Variants in SUV39H2 observed in about 807,000 individuals in gnomAD.
The protein encoded by SUV39H2 is SUV39H2 histone lysine methyltransferase, also known as histone-lysine N-methyltransferase SUV39H2.
Under a neutral mutation model 47.5 loss-of-function variants are expected in SUV39H2, and 10 were observed. That is an observed-to-expected ratio of 0.21 (90% CI 0.13 to 0.36). The LOEUF is 0.36. SUV39H2 is among the 10% of genes least tolerant of loss of function. The pLI is 1.00. For synonymous variants in SUV39H2, 159 were observed against 166.8 expected, an observed-to-expected ratio of 0.95 and a Z score of 0.36; for missense variants, 266 against 487.4, an observed-to-expected ratio of 0.55 and a Z score of 4.28.
intron 2 of SUV39H2, among the ~76,000 whole-genome samples, chr10:14,886,516 A>G (rs1833213824): frequency 6.6e-6 from 1 of 152,208 alleles, no homozygotes; most frequent in Admixed American, 6.5e-5. Context: ...TGTTTGGTCC[A>G]TGGTCATTGA....
At chr10:14,902,122 C>G (rs932895766) in intron 5 of SUV39H2, among the ~76,000 whole-genome samples, 18 of 152,102 alleles carry the variant, frequency 1.2e-4, no homozygotes, top group African/African-American at 3.4e-4. Context: ...TTTCAGAAAT[C>G]CTTTCTGACA....
At chr10:14,898,248 T>C (rs1002649505) in intron 3 of SUV39H2, 2 of 144,432 alleles carry the variant, frequency 1.4e-5, no homozygotes, top group African/African-American at 5.2e-5. Flanking sequence ...AGTACTGTTA[T>C]GTCCATTATT....
intron 2 of SUV39H2, among the ~76,000 whole-genome samples, chr10:14,887,971 G>A (rs913633164): frequency 3.3e-5 from 5 of 152,196 alleles, no homozygotes; most frequent in African/African-American, 9.7e-5. Flanking sequence ...GGGCCTTCAA[G>A]GAATAGAGGG....
At position 14,881,561 on chromosome 10, in the gene SUV39H2, G is replaced by A. The variant is rs746391812; in HGVS notation, c.93G>A (p.Lys31=). The stretch of plus-strand genomic sequence containing the variant: ...TTCAGGAATTATGTAGAAAAGAAAA[G>A]CTCACATGTAAATCGATTGGAATCA... The part of the protein sequence containing the change: ...DTLQELCRKE[K]LTCKSIGITK... The change falls in exon 2 of 6, where the codon AAG becomes AAA. Residue 31 remains lysine (K), a synonymous_variant. Transcript: ENST00000354919. 3 of 1,605,754 alleles carry A rather than the reference G, an allele frequency of 1.9e-6. No individual in the cohort carries two copies. Among genetic ancestry groups the A allele is most frequent in the Non-Finnish European group, 2.5e-6 (3 of 1,177,502 alleles).
At chr10:14,883,704 C>CAAAAAAAAAAAAAAAA (rs58522342) in intron 2 of SUV39H2, among the ~76,000 whole-genome samples, 10 of 50,058 alleles carry the variant, frequency 2.0e-4, no homozygotes, top group Admixed American at 2.7e-4. Flanking sequence ...GACTCAGTCT[C>CAAAAAAAAAAAAAAAA]AAAAAAAAAA....
Position 14,899,621 on chromosome 10 carries a change from A to T in SUV39H2, c.932A>T (p.Glu311Val). The T allele has an allele frequency of 6.2e-7, 1 of 1,614,170 alleles. No individual in the cohort carries two copies. The highest frequency in any genetic ancestry group is 8.5e-7 in the Non-Finnish European group (1 of 1,180,016). ...GITYLFDLDY[E>V]SDEFTVDAAR... is the part of the protein sequence containing the mutation. ...ACGTATCTCTTTGATCTGGACTATG[A>T]GTCTGATGAATTCACAGTGGATGCG... The change falls in exon 4 of 6, where the codon GAG becomes GTG. Residue 311 changes from glutamate (E) to valine (V), a missense_variant. Glu to Val is a moderately radical substitution (Grantham distance 121). Transcript: ENST00000354919.
At chr10:14,901,436 A>C (rs1476528305) in intron 5 of SUV39H2, among the ~76,000 whole-genome samples, 174 bp downstream of exon 5, 3 of 152,240 alleles carry the variant, frequency 2.0e-5, no homozygotes, top group Non-Finnish European at 2.9e-5. Context: ...ACTAGAACCC[A>C]GGTCTGCCTG....
chr10:14,892,997 GT>G (rs1833440317), intron 2 of SUV39H2, among the ~76,000 whole-genome samples: 1 of 128,662 alleles, frequency 7.8e-6, no homozygotes, highest in Non-Finnish European at 1.7e-5. Context: ...CTAATTTTTT[GT>G]ATTTTTTTTT....
At chr10:14,886,033 T>C (rs1378994157) in intron 2 of SUV39H2, among the ~76,000 whole-genome samples, 1 of 152,224 alleles carries the variant, frequency 6.6e-6, no homozygotes, top group East Asian at 1.9e-4. Context: ...CAGCCTCATC[T>C]CTTGTCATAT....
chr10:14,894,161 A>G (rs912996230), intron 2 of SUV39H2, among the ~76,000 whole-genome samples: 1 of 151,852 alleles, frequency 6.6e-6, no homozygotes, highest in African/African-American at 2.4e-5. Flanking sequence ...ACCTGAAAGG[A>G]GGAAGAAATC....
rs986619264 is a variant in SUV39H2, at chr10:14,890,121, T to A, written c.178-6725T>A. 3.3e-5 allele frequency among the ~76,000 whole-genome samples: 5 copies of A among 152,316 alleles called. No individual in the cohort carries two copies. In the East Asian group the frequency reaches 5.8e-4, roughly 18 times the overall value. ...GTCCACATCTGACAATATAGTGATA[T>A]TCCTGAAACACTGATTGAACCTAGA... On this transcript the variant is annotated intron_variant, in intron 2 of 5. Transcript: ENST00000354919.
chr10:14,881,946 C>G (rs143573764), intron 2 of SUV39H2, among the ~76,000 whole-genome samples: 2 of 152,262 alleles, frequency 1.3e-5, no homozygotes, highest in East Asian at 1.9e-4. Context: ...TCGTTTTGTT[C>G]GTGGATCGTA....
intron 3 of SUV39H2, chr10:14,899,154 T>G (rs1487365691): frequency 1.4e-6 from 1 of 694,654 alleles, no homozygotes; most frequent in Non-Finnish European, 2.6e-6. Context: ...ACCCCACATC[T>G]CTATAAAAAC....
chr10:14,895,145 T>G (rs1210590588), intron 2 of SUV39H2, among the ~76,000 whole-genome samples: 1 of 152,000 alleles, frequency 6.6e-6, no homozygotes, highest in Non-Finnish European at 1.5e-5. Flanking sequence ...TTAGACACAC[T>G]TAACTGTGTT....
rs528799783 is a variant in SUV39H2, at chr10:14,894,460, C to T, written c.178-2386C>T. On this transcript the variant is annotated intron_variant, in intron 2 of 5. Transcript: ENST00000354919. ...TCGACTCACTGCAAGCTCCGCCTCC[C>T]GGGTTCACGCCATTCTCCTGCCTCA... Among the ~76,000 whole-genome samples, 89 of 68,762 alleles carry T rather than the reference C, an allele frequency of 1.3e-3. 15 individuals are homozygous for T. Among genetic ancestry groups the T allele is most frequent in the African/African-American group, 1.9e-3 (16 of 8,208 alleles). 45.1% of individuals were successfully genotyped at this position (68,762 alleles called of 152,430 possible).
chr10:14,900,015 T>C (rs1833888341), intron 4 of SUV39H2, among the ~76,000 whole-genome samples: 1 of 152,206 alleles, frequency 6.6e-6, no homozygotes, highest in South Asian at 2.1e-4. Context: ...TGTCCAAGAA[T>C]TACACAGAAC....
Position 14,895,455 on chromosome 10 carries a change from C to T in SUV39H2, c.178-1391C>T, listed in dbSNP as rs369543354. 2.7e-3 allele frequency among the ~76,000 whole-genome samples: 413 copies of T among 152,240 alleles called. 2 individuals are homozygous for T. The highest frequency in any genetic ancestry group is 9.4e-3 in the African/African-American group (392 of 41,556). On this transcript the variant is annotated intron_variant, in intron 2 of 5. Transcript: ENST00000354919. ...CCTCCCAAAGTGCTGGGATTACAGG[C>T]GTGACCCACCGCACCCAGCCGGAAC...
chr10:14,895,761 C>T (rs1470666385), intron 2 of SUV39H2, among the ~76,000 whole-genome samples: 1 of 152,170 alleles, frequency 6.6e-6, no homozygotes, highest in Non-Finnish European at 1.5e-5. Context: ...CATCTACTAA[C>T]CACATTGAAC....
At chr10:14,904,315 A>ATTTTT (rs35999949), downstream of SUV39H2, 10 of 77,760 alleles carry the variant, frequency 1.3e-4, no homozygotes, top group Non-Finnish European at 1.8e-4. Context: ...AAAAAAAAAA[A>ATTTTT]TTTTTTTTTT....
Sources: gnomAD v4.1 joint callset for allele counts (sites outside exome capture counted in the v4.1 genomes callset) on GRCh38, gnomAD v4.1.1 for gene constraint, MANE v1.5 for transcripts, NCBI Gene and HGNC (gene_info 2026-07-23, HGNC 2026-07-21) for gene names.